The following ASTN2 variants were observed in gnomAD, a reference collection of about 807,000 sequenced individuals.
ASTN2 encodes astrotactin 2, also known as astrotactin-2.
ASTN2 carries 54 observed loss-of-function variants against 139.8 expected under a neutral mutation model. The observed-to-expected ratio is 0.39, with a 90% CI of 0.31 to 0.48. The LOEUF (loss-of-function observed/expected upper bound fraction) is 0.48, where lower values mean the gene tolerates loss of function less well. Among genes scored for constraint, ASTN2 ranks in the 20% least tolerant of loss-of-function variants. The pLI, the probability that ASTN2 is intolerant of heterozygous loss-of-function variation, is 0.95. For missense variants in ASTN2, 1,565 were observed against 1,725.1 expected, an observed-to-expected ratio of 0.91 and a Z score of 1.64; for synonymous variants, 756 against 719.5, an observed-to-expected ratio of 1.05 and a Z score of -0.81.
intron 6 of ASTN2, among the ~76,000 whole-genome samples, chr9:117,020,866 G>A (rs1837859639): frequency 1.3e-5 from 2 of 152,132 alleles, no homozygotes; most frequent in African/African-American, 4.8e-5. Flanking sequence ...GCAACTATTT[G>A]CAGAATATTG....
At chr9:116,445,894 G>A (rs1847972318) in intron 20 of ASTN2, among the ~76,000 whole-genome samples, 1 of 152,292 alleles carries the variant, frequency 6.6e-6, no homozygotes, top group East Asian at 1.9e-4. Flanking sequence ...GAGGCCTCAG[G>A]CAACCCTGCT....
Position 116,733,436 on chromosome 9 carries a change from G to T in ASTN2, c.2484C>A (p.Val828=), listed in dbSNP as rs1383204373. The T allele has an allele frequency of 6.2e-7, 1 of 1,614,104 alleles. No homozygotes were observed. Among genetic ancestry groups the T allele is most frequent in the Non-Finnish European group, 8.5e-7 (1 of 1,180,026 alleles). Residue 828 remains valine, a synonymous_variant, in exon 14 of 23, where the codon GTC becomes GTA. Transcript: ENST00000313400. The stretch of plus-strand genomic sequence containing the variant: ...GGAGGTCTGGAAGGGGCTCGGAGAG[G>T]ACCCCCCGGCACTGCTCCTCCACCG... ...PLPVEEQCRG[V]LSEPLPDLQL... is the part of the protein sequence containing the mutation.
At chr9:117,122,966 A>G (rs4838233) in intron 4 of ASTN2, among the ~76,000 whole-genome samples, 11,467 of 152,166 alleles carry the variant, frequency 0.075, 750 homozygotes, top group East Asian at 0.19. Flanking sequence ...CCAGATGAGG[A>G]GCAGAAAGCT....
chr9:116,515,026 C>T (rs1850584099), intron 19 of ASTN2, among the ~76,000 whole-genome samples: 1 of 152,100 alleles, frequency 6.6e-6, no homozygotes, highest in Admixed American at 6.5e-5. Flanking sequence ...CCAACAAGCC[C>T]CAGTGAGATG....
chr9:117,412,992 C>T (rs1243175422), intron 1 of ASTN2, among the ~76,000 whole-genome samples: 1 of 152,128 alleles, frequency 6.6e-6, no homozygotes, highest in African/African-American at 2.4e-5. Flanking sequence ...ACCCCAGAAG[C>T]GCCGCCGCGG....
intron 2 of ASTN2, among the ~76,000 whole-genome samples, chr9:117,269,405 C>T (rs971711732): frequency 6.6e-6 from 1 of 152,162 alleles, no homozygotes; most frequent in Non-Finnish European, 1.5e-5. Context: ...ACACTTAATG[C>T]CATCTTCTCC....
chr9:117,259,824 A>G (rs538236240), intron 2 of ASTN2, among the ~76,000 whole-genome samples: 1 of 152,256 alleles, frequency 6.6e-6, no homozygotes, highest in Admixed American at 6.5e-5. Context: ...TGTCACAGGC[A>G]TGTCCTTAAC....
At chr9:116,769,787 A>G (rs1026147297) in intron 13 of ASTN2, among the ~76,000 whole-genome samples, 2 of 152,152 alleles carry the variant, frequency 1.3e-5, no homozygotes, top group African/African-American at 4.8e-5. Flanking sequence ...GCTCATGCCT[A>G]TAATCCCAAC....
chr9:116,473,695 C>T (rs1848889326), intron 20 of ASTN2, among the ~76,000 whole-genome samples: 3 of 152,128 alleles, frequency 2.0e-5, no homozygotes, highest in African/African-American at 4.8e-5. Context: ...GTCAGGAGTT[C>T]GAGACCAGCC....
intron 13 of ASTN2, among the ~76,000 whole-genome samples, chr9:116,736,714 T>C (rs1215958601): frequency 6.6e-6 from 1 of 152,230 alleles, no homozygotes; most frequent in African/African-American, 2.4e-5. Flanking sequence ...ACTTACATAA[T>C]GGATGCATTT....
intron 1 of ASTN2, among the ~76,000 whole-genome samples, chr9:117,352,040 C>T (rs1829408684): frequency 6.6e-6 from 1 of 152,118 alleles, no homozygotes; most frequent in African/African-American, 2.4e-5. Flanking sequence ...TGAAGATTTC[C>T]CAACATTTGA....
At chr9:117,237,226 ATAG>A (rs1319981439) in intron 2 of ASTN2, among the ~76,000 whole-genome samples, 1 of 152,138 alleles carries the variant, frequency 6.6e-6, no homozygotes, top group Non-Finnish European at 1.5e-5. Flanking sequence ...CACCAACCTA[ATAG>A]TTTCTATTAT....
At chr9:117,076,239 G>A (rs1587936662) in intron 5 of ASTN2, among the ~76,000 whole-genome samples, 1 of 152,292 alleles carries the variant, frequency 6.6e-6, no homozygotes, top group East Asian at 1.9e-4. Flanking sequence ...TAGCTGAACT[G>A]ATTTTTAAAG....
chr9:116,820,163 C>T (rs1466087648), intron 12 of ASTN2, among the ~76,000 whole-genome samples: 2 of 152,176 alleles, frequency 1.3e-5, no homozygotes, highest in East Asian at 1.9e-4. Context: ...AAAGGCTGAA[C>T]AGTGCCCTCA....
chr9:116,748,389 G>T (rs1476481112), intron 13 of ASTN2, among the ~76,000 whole-genome samples: 1 of 151,982 alleles, frequency 6.6e-6, no homozygotes, highest in African/African-American at 2.4e-5. Context: ...TCCCAGGACT[G>T]CAGGATGCAG....
intron 1 of ASTN2, among the ~76,000 whole-genome samples, chr9:117,337,776 T>G (rs1828931938): frequency 6.6e-6 from 1 of 152,094 alleles, no homozygotes; most frequent in African/African-American, 2.4e-5. Context: ...TGGGGCACAA[T>G]GAGTGAGCTC....
chr9:116,505,268 T>C (rs911237655), intron 19 of ASTN2, among the ~76,000 whole-genome samples: 1 of 151,876 alleles, frequency 6.6e-6, no homozygotes, highest in Non-Finnish European at 1.5e-5. Context: ...TGGAACCATC[T>C]AGATCATGAA....
At position 116,976,207 on chromosome 9, in the gene ASTN2, G is replaced by T. The variant is rs375821859; in HGVS notation, c.1677-19C>A. 82 of 1,608,344 alleles carry T rather than the reference G, an allele frequency of 5.1e-5. No homozygotes were observed. The African/African-American group carries it at 1.0e-3, about 20-fold the overall frequency. ...CCAAGGTCTATGGGAAGAAGGAGAGGGGAGAGAAGATGACATTAGTCAGAG... is the reference window on the plus strand; with the variant it reads ...CCAAGGTCTATGGGAAGAAGGAGAGTGGAGAGAAGATGACATTAGTCAGAG... On this transcript the variant is annotated intron_variant, in intron 8 of 22. Transcript: ENST00000313400.
intron 16 of ASTN2, among the ~76,000 whole-genome samples, chr9:116,714,213 C>G (rs1228567960): frequency 1.3e-5 from 2 of 152,146 alleles, no homozygotes; most frequent in Non-Finnish European, 2.9e-5. Flanking sequence ...CCAGGCTGTG[C>G]TATCTGACAT....
Sources: allele counts gnomAD v4.1 joint callset (sites outside exome capture counted in the v4.1 genomes callset), GRCh38; gene constraint gnomAD v4.1.1; transcripts MANE v1.5; gene names NCBI Gene and HGNC (gene_info 2026-07-23, HGNC 2026-07-21).